ADCK1: variants seen among roughly 807,000 people sequenced by gnomAD.
ADCK1 encodes the protein aarF domain containing kinase 1.
ADCK1 carries 41 observed loss-of-function variants against 52.3 expected under a neutral mutation model. The ratio of observed to expected loss-of-function variants is 0.78; its 90% confidence interval spans 0.61 to 1.02. The LOEUF (loss-of-function observed/expected upper bound fraction) is 1.02. Ranked by LOEUF, ADCK1 falls within the 50% of genes least tolerant of loss-of-function variation. ADCK1 has a pLI of 0.00. For missense variants in ADCK1, 658 were observed against 679.5 expected (o/e 0.97, Z 0.35); for synonymous variants, 250 against 274.6 (o/e 0.91, Z 0.89).
At chr14:77,852,671 A>ATATATTTATATATATATATATATTT (rs1566667220) in intron 3 of ADCK1, among the ~76,000 whole-genome samples, 2 of 10,804 alleles carry the variant, frequency 1.9e-4, no homozygotes, top group African/African-American at 4.1e-4. Flanking sequence ...ATATATATAT[A>ATATATTTATATATATATATATATTT]TATATATATA....
Position 77,899,170 on chromosome 14 carries a change from A to G in ADCK1, c.653A>G (p.Lys218Arg), listed in dbSNP as rs1266193495. 6.2e-7 allele frequency: 1 copy of G among 1,614,232 alleles called. No individual in the cohort carries two copies. ...EFMWLVDEAK[K>R]NLPLELDFLN... ...ATGTGGCTTGTGGATGAAGCCAAGAAGAACCTGCCTTTGGAGCTGGATTTC... is the reference window on the plus strand; with the variant it reads ...ATGTGGCTTGTGGATGAAGCCAAGAGGAACCTGCCTTTGGAGCTGGATTTC... Residue 218 changes from lysine to arginine, a missense_variant, in exon 6 of 11, where the codon AAG (lysine) becomes AGG (arginine). Lys to Arg is a conservative substitution (Grantham distance 26). Transcript: ENST00000238561.
rs527960428 is a variant in ADCK1, at chr14:77,932,667, G to A, written c.1401-553G>A. On this transcript the variant is annotated intron_variant, in intron 10 of 10. Coordinates refer to ENST00000238561, the MANE Select transcript of ADCK1 (RefSeq NM_020421.4). The stretch of plus-strand genomic sequence containing the variant: ...CAGCATAATATACTGCATACTGAAA[G>A]GGCCAACTTTGATTTATTCTTCCTC... Among the ~76,000 whole-genome samples the A allele has an allele frequency of 5.3e-5, 8 of 152,270 alleles. No homozygotes were observed. The South Asian group carries it at 1.5e-3, about 28-fold the overall frequency.
chr14:77,919,615 G>A (rs1469663971), intron 7 of ADCK1, among the ~76,000 whole-genome samples: 1 of 152,178 alleles, frequency 6.6e-6, no homozygotes, highest in Non-Finnish European at 1.5e-5. Flanking sequence ...GTGGATTGCT[G>A]GATCAAATGG....
chr14:77,879,121 G>C (rs755337335), intron 4 of ADCK1, among the ~76,000 whole-genome samples: 28 of 152,136 alleles, frequency 1.8e-4, no homozygotes, highest in Non-Finnish European at 3.5e-4. Flanking sequence ...CTTCTGGGAG[G>C]TGTTTCAGCT....
chr14:77,840,337 C>CT (rs771574416), intron 3 of ADCK1, among the ~76,000 whole-genome samples: 34 of 147,220 alleles, frequency 2.3e-4, no homozygotes, highest in Admixed American at 4.1e-4. Context: ...AATTCTTTTC[C>CT]TTTTTTTTTT....
intron 3 of ADCK1, among the ~76,000 whole-genome samples, chr14:77,852,371 C>A (rs2082301895): frequency 1.3e-5 from 2 of 151,782 alleles, no homozygotes; most frequent in South Asian, 4.2e-4. Flanking sequence ...AACTTTTATA[C>A]CTTTATTTTT....
intron 1 of ADCK1, among the ~76,000 whole-genome samples, chr14:77,805,903 G>C (rs905372678): frequency 6.0e-5 from 9 of 151,092 alleles, no homozygotes; most frequent in Non-Finnish European, 1.2e-4. Flanking sequence ...CTCTGATCAC[G>C]TGACTCCTGA....
chr14:77,865,181 A>G (rs2082637326), intron 4 of ADCK1, among the ~76,000 whole-genome samples: 1 of 151,894 alleles, frequency 6.6e-6, no homozygotes, highest in Non-Finnish European at 1.5e-5. Context: ...AATGTCACCT[A>G]AAAATACCCT....
At chr14:77,867,722 A>G (rs1205397763) in intron 4 of ADCK1, among the ~76,000 whole-genome samples, 1 of 152,174 alleles carries the variant, frequency 6.6e-6, no homozygotes, top group East Asian at 1.9e-4. Context: ...GCCCTCCTGC[A>G]GGCCTGTACC....
chr14:77,815,199 CTTTTTT>C (rs56211176), intron 1 of ADCK1, among the ~76,000 whole-genome samples: 2 of 129,442 alleles, frequency 1.5e-5, no homozygotes, highest in Non-Finnish European at 3.2e-5. Context: ...TTTGTTTTGT[CTTTTTT>C]TTTTTTTTTT....
At position 77,926,147 on chromosome 14, in the gene ADCK1, A is replaced by C. The variant is rs553175013; in HGVS notation, c.1206+186A>C. Among the ~76,000 whole-genome samples the C allele has an allele frequency of 2.3e-4, 35 of 152,318 alleles. 1 individual carries two copies. In the South Asian group the frequency reaches 7.3e-3, roughly 32 times the overall value. ...AAGGAGAAATAATGCCCTGGATGGA[A>C]GGAGGGAAAGGGGGTGATACCTCCC... is the stretch of plus-strand genomic sequence containing the variant. On this transcript the variant is annotated intron_variant, in intron 9 of 10. Transcript: ENST00000238561.
chr14:77,871,731 C>T (rs1204570241), intron 4 of ADCK1, among the ~76,000 whole-genome samples: 2 of 152,130 alleles, frequency 1.3e-5, no homozygotes, highest in Non-Finnish European at 2.9e-5. Flanking sequence ...GGGGGTCATG[C>T]AGGAGCTGAA....
intron 2 of ADCK1, among the ~76,000 whole-genome samples, chr14:77,820,467 A>G (rs1341410178): frequency 6.6e-6 from 1 of 151,688 alleles, no homozygotes; most frequent in Non-Finnish European, 1.5e-5. Flanking sequence ...AGTAGCTGGG[A>G]CCACAGATGC....
chr14:77,800,724 G>A (rs2081091623), intron 1 of ADCK1, among the ~76,000 whole-genome samples: 2 of 152,238 alleles, frequency 1.3e-5, no homozygotes, highest in South Asian at 2.1e-4. Context: ...GCTAACAGCA[G>A]CCAGTGTGTG....
intron 2 of ADCK1, chr14:77,821,283 G>A (rs908601912): frequency 1.3e-5 from 2 of 152,088 alleles, no homozygotes; most frequent in African/African-American, 4.8e-5. Context: ...CCACAAAGCT[G>A]TCCATTTTTT....
chr14:77,900,574 G>T (rs1404536720), intron 6 of ADCK1: 6 of 454,080 alleles, frequency 1.3e-5, no homozygotes, highest in Admixed American at 2.4e-5. Context: ...GCAACAGAGC[G>T]AGACTGCGTC....
chr14:77,816,007 A>G (rs113101062), intron 1 of ADCK1, among the ~76,000 whole-genome samples: 1 of 151,886 alleles, frequency 6.6e-6, no homozygotes, highest in South Asian at 2.1e-4. Context: ...GGGTTTCACC[A>G]TGTTGGCCAG....
At chr14:77,887,735 A>G (rs1225205750) in intron 5 of ADCK1, among the ~76,000 whole-genome samples, 3 of 152,192 alleles carry the variant, frequency 2.0e-5, no homozygotes, top group Non-Finnish European at 4.4e-5. Flanking sequence ...TTTGGAATGA[A>G]GAAATTCACG....
intron 1 of ADCK1, among the ~76,000 whole-genome samples, chr14:77,808,263 A>G (rs1235942337): frequency 6.6e-6 from 1 of 152,134 alleles, no homozygotes; most frequent in Non-Finnish European, 1.5e-5. Flanking sequence ...GTTTACAATA[A>G]GCAGGCATGA....
Sources: gnomAD v4.1 joint callset for allele counts (sites outside exome capture counted in the v4.1 genomes callset) on GRCh38, gnomAD v4.1.1 for gene constraint, MANE v1.5 for transcripts, NCBI Gene and HGNC (gene_info 2026-07-23, HGNC 2026-07-21) for gene names.